Variants in VWC2L observed in about 807,000 individuals in gnomAD.
VWC2L encodes von Willebrand factor C domain-containing protein 2-like.
A neutral mutation model predicts 21.6 loss-of-function variants in VWC2L; 10 were observed. That is an observed-to-expected ratio of 0.46 (90% CI 0.29 to 0.78). The LOEUF is 0.78. Among genes scored for constraint, VWC2L ranks in the 30% least tolerant of loss-of-function variants. The pLI is 0.10. For missense variants in VWC2L, 209 were observed against 277.1 expected (o/e 0.75, Z 1.74); for synonymous variants, 96 against 94.3 (o/e 1.02, Z -0.10).
intron 2 of VWC2L, among the ~76,000 whole-genome samples, chr2:214,420,131 C>T (rs192163871): frequency 6.6e-6 from 1 of 152,214 alleles, no homozygotes; most frequent in Admixed American, 6.5e-5. Flanking sequence ...ATTGTTGATG[C>T]CAATTTGGAT....
chr2:214,492,445 A>G (rs1460504095), intron 3 of VWC2L, among the ~76,000 whole-genome samples: 2 of 152,210 alleles, frequency 1.3e-5, no homozygotes, highest in East Asian at 3.8e-4. Flanking sequence ...AGCTTAGAAC[A>G]ATAATGCATC....
rs72394017 is a variant in VWC2L at position 214,521,234 on chromosome 2, GATAAATAAATAAATAAATAAATAAATAA to G, written c.521-54420_521-54393del. On this transcript the variant is annotated intron_variant, in intron 3 of 3. Coordinates refer to ENST00000312504, the MANE Select transcript of VWC2L (RefSeq NM_001080500.4). ...AGGGAGACTCTGACTCCATCTCAAA[GATAAATAAATAAATAAATAAATAAATAA>G]ATAAATAAATAAATAAAACTACCAA... Among the ~76,000 whole-genome samples the G allele has an allele frequency of 2.8e-5, 4 of 140,526 alleles. No individual in the cohort carries two copies. In the Admixed American group the frequency reaches 2.9e-4, roughly 10 times the overall value. The allele number at this position is 140,526 out of a possible 152,430, so 92.2% of individuals were successfully genotyped here. A position where few individuals can be genotyped will look rare whatever the true frequency, so the allele number is the denominator to read the frequency against.
intron 3 of VWC2L, among the ~76,000 whole-genome samples, chr2:214,461,682 ACT>A (rs1220133789): frequency 6.6e-6 from 1 of 152,098 alleles, no homozygotes; most frequent in Non-Finnish European, 1.5e-5. Context: ...CAGGCTGGTA[ACT>A]CTGTCCTCAA....
intron 3 of VWC2L, among the ~76,000 whole-genome samples, chr2:214,481,651 A>G (rs1333242715): frequency 6.6e-6 from 1 of 152,244 alleles, no homozygotes. Flanking sequence ...AACCACAAAT[A>G]ATAGTTTGAC....
intron 3 of VWC2L, among the ~76,000 whole-genome samples, chr2:214,561,604 T>C (rs971296936): frequency 1.9e-4 from 29 of 151,730 alleles, no homozygotes; most frequent in African/African-American, 6.8e-4. Context: ...CAAAATCTTG[T>C]CTCTACTAAA....
At chr2:214,532,207 T>C (rs951863742) in intron 3 of VWC2L, among the ~76,000 whole-genome samples, 8 of 152,112 alleles carry the variant, frequency 5.3e-5, no homozygotes, top group African/African-American at 1.9e-4. Context: ...TACATATTAA[T>C]AGTAGGGAAG....
intron 3 of VWC2L, among the ~76,000 whole-genome samples, chr2:214,542,637 C>T (rs987752099): frequency 2.0e-5 from 3 of 152,206 alleles, no homozygotes; most frequent in African/African-American, 7.2e-5. Flanking sequence ...GTGAAAATTG[C>T]TGCAGGCAGC....
intron 3 of VWC2L, among the ~76,000 whole-genome samples, chr2:214,526,819 G>A (rs762324506): frequency 2.0e-5 from 3 of 152,148 alleles, no homozygotes; most frequent in Non-Finnish European, 4.4e-5. Context: ...AAGACTTACA[G>A]CAGAACCACC....
At chr2:214,417,445 T>C (rs1486977642) in intron 2 of VWC2L, among the ~76,000 whole-genome samples, 1 of 152,188 alleles carries the variant, frequency 6.6e-6, no homozygotes, top group Non-Finnish European at 1.5e-5. Context: ...AGTATGAGGC[T>C]TGGTTAAGCA....
At chr2:214,470,915 T>TTAA (rs1703297010) in intron 3 of VWC2L, among the ~76,000 whole-genome samples, 1 of 18,572 alleles carries the variant, frequency 5.4e-5, no homozygotes, top group East Asian at 2.2e-3. Flanking sequence ...AAACTCCATC[T>TTAA]CAAAAAAAAA....
intron 3 of VWC2L, among the ~76,000 whole-genome samples, chr2:214,488,114 A>G (rs1391731659): frequency 6.6e-6 from 1 of 152,066 alleles, no homozygotes; most frequent in Admixed American, 6.5e-5. Flanking sequence ...TGCTCCACCA[A>G]TTCTATCCTC....
intron 3 of VWC2L, among the ~76,000 whole-genome samples, chr2:214,469,668 T>C (rs1323406496): frequency 6.6e-6 from 1 of 152,174 alleles, no homozygotes; most frequent in African/African-American, 2.4e-5. Flanking sequence ...AAGATCTCTG[T>C]ATTGCCTTAG....
At chr2:214,428,111 G>A (rs1159975455) in intron 2 of VWC2L, among the ~76,000 whole-genome samples, 1 of 152,202 alleles carries the variant, frequency 6.6e-6, no homozygotes, top group Non-Finnish European at 1.5e-5. Context: ...AATGGACGAA[G>A]AGTGGGGAAG....
At position 214,578,860 on chromosome 2, in the gene VWC2L, A is replaced by G. The variant is rs373759504; in HGVS notation, c.*3040A>G. 3.4e-4 allele frequency: 52 copies of G among 152,220 alleles called. No individual in the cohort carries two copies. The East Asian group carries it at 8.1e-3, about 24-fold the overall frequency. The allele number at this position is 152,220 out of a possible 1,614,324, so 9.4% of individuals were successfully genotyped here. On this transcript the variant is annotated 3_prime_UTR_variant, in exon 4 of 4. Coordinates refer to ENST00000312504, the MANE Select transcript of VWC2L (RefSeq NM_001080500.4). ...GCGTGCCTGAAAACTAGTGAGAAAAAAAAAAAACCTAAACACTAAACTGTA... is the reference window on the plus strand; with the variant it reads ...GCGTGCCTGAAAACTAGTGAGAAAAGAAAAAAACCTAAACACTAAACTGTA...
At chr2:214,477,695 A>G (rs1688544283) in intron 3 of VWC2L, among the ~76,000 whole-genome samples, 1 of 152,216 alleles carries the variant, frequency 6.6e-6, no homozygotes, top group African/African-American at 2.4e-5. Context: ...TAACTAGTAA[A>G]TGATGTAGCA....
Position 214,578,449 on chromosome 2 carries a change from T to C in VWC2L, c.*2629T>C, listed in dbSNP as rs2105937810. The C allele has an allele frequency of 6.6e-6, 1 of 152,318 alleles. No individual in the cohort carries two copies. Among genetic ancestry groups the C allele is most frequent in the East Asian group, 1.9e-4 (1 of 5,186 alleles). 9.4% of individuals were successfully genotyped at this position (152,318 alleles called of 1,614,324 possible). A position where few individuals can be genotyped will look rare whatever the true frequency, so the allele number is the denominator to read the frequency against. On this transcript the variant is annotated 3_prime_UTR_variant, in exon 4 of 4. Transcript: ENST00000312504. ...GAGGGATTTTTATGGTTGGTTTTGT[T>C]GTTGTTGGATTTTCTTTTTCTCAAA... is the stretch of plus-strand genomic sequence containing the variant.
chr2:214,430,663 A>C (rs566286815), intron 2 of VWC2L, among the ~76,000 whole-genome samples: 7 of 152,180 alleles, frequency 4.6e-5, no homozygotes, highest in Non-Finnish European at 8.8e-5. Context: ...GTTTTCAACA[A>C]AAATGAAATG....
intron 2 of VWC2L, 100 bp from the exon 3 acceptor site, chr2:214,436,529 G>T: frequency 7.0e-7 from 1 of 1,433,278 alleles, no homozygotes; most frequent in Non-Finnish European, 9.5e-7. Flanking sequence ...ATACAGTAAA[G>T]CCAATATAAT....
chr2:214,567,217 TA>T (rs544811320), intron 3 of VWC2L, among the ~76,000 whole-genome samples: 311 of 152,204 alleles, frequency 2.0e-3, no homozygotes, highest in African/African-American at 6.9e-3. Flanking sequence ...TTTAAAATCA[TA>T]AAAGATCAAT....
Sources: gnomAD v4.1 joint callset for allele counts (sites outside exome capture counted in the v4.1 genomes callset) on GRCh38, gnomAD v4.1.1 for gene constraint, MANE v1.5 for transcripts, NCBI Gene and HGNC (gene_info 2026-07-23, HGNC 2026-07-21) for gene names.